The following C14orf39 variants were observed in gnomAD, a reference collection of about 807,000 sequenced individuals.
C14orf39 encodes protein SIX6OS1.
Under a neutral mutation model 85.6 loss-of-function variants are expected in C14orf39, and 66 were observed. The observed-to-expected ratio is 0.77, with a 90% CI of 0.63 to 0.95. The LOEUF (loss-of-function observed/expected upper bound fraction) is 0.95, where lower values mean the gene tolerates loss of function less well. Ranked by LOEUF, C14orf39 falls within the 40% of genes least tolerant of loss-of-function variation. The pLI, the probability that C14orf39 is intolerant of heterozygous loss-of-function variation, is 0.00. For missense variants in C14orf39, 735 were observed against 663.9 expected, an observed-to-expected ratio of 1.11 and a Z score of -1.18; for synonymous variants, 242 against 214.0, an observed-to-expected ratio of 1.13 and a Z score of -1.14.
rs183248166 is a variant in C14orf39, at chr14:60,456,097, C to T, written c.1358+820G>A. 4.5e-4 allele frequency among the ~76,000 whole-genome samples: 69 copies of T among 152,116 alleles called. No homozygotes were observed. In the East Asian group the frequency reaches 6.4e-3, roughly 14 times the overall value. On this transcript the variant is annotated intron_variant, in intron 15 of 17. Coordinates refer to ENST00000321731, the MANE Select transcript of C14orf39 (RefSeq NM_174978.3). ...TAACTCTTATTAGCAATTTAAAATA[C>T]GGAAGTAGAGTACAGGTCTGATGCA...
Position 60,471,749 on chromosome 14 carries a change from T to G in C14orf39, c.324-10A>C. ...ATCATGATACATTTCTCTGTTAAAA[T>G]TAAAAGAAATGATGTTTATATAACA... is the stretch of plus-strand genomic sequence containing the variant. On this transcript the variant is annotated splice_polypyrimidine_tract_variant and intron_variant, in intron 5 of 17. Transcript: ENST00000321731. The G allele has an allele frequency of 7.0e-7, 1 of 1,437,918 alleles. No homozygotes were observed. Among genetic ancestry groups the G allele is most frequent in the African/African-American group, 1.4e-5 (1 of 69,520 alleles). The allele number at this position is 1,437,918 out of a possible 1,614,324, so 89.1% of individuals were successfully genotyped here.
At chr14:60,499,717 T>C (rs552752271) in intron 1 of C14orf39, among the ~76,000 whole-genome samples, 1 of 152,328 alleles carries the variant, frequency 6.6e-6, no homozygotes, top group South Asian at 2.1e-4. Flanking sequence ...TGTAGGGCAA[T>C]CAACTTGATA....
chr14:60,482,231 C>T (rs951553338), intron 4 of C14orf39, among the ~76,000 whole-genome samples: 1 of 152,186 alleles, frequency 6.6e-6, no homozygotes, highest in Admixed American at 6.5e-5. Context: ...ACTATTAGTA[C>T]TTTTCCACAA....
At chr14:60,514,436 C>CCCAG (rs1333465188) in intron 1 of C14orf39, among the ~76,000 whole-genome samples, 3 of 152,112 alleles carry the variant, frequency 2.0e-5, no homozygotes, top group Non-Finnish European at 4.4e-5. Flanking sequence ...TACCCCAAGC[C>CCCAG]CCAGGTCAGG....
At chr14:60,453,078 T>C (rs1285041191) in intron 16 of C14orf39, among the ~76,000 whole-genome samples, 4 of 152,102 alleles carry the variant, frequency 2.6e-5, no homozygotes, top group South Asian at 2.1e-4. Flanking sequence ...ATCAAGGTGA[T>C]TGATGATGTT....
intron 14 of C14orf39, among the ~76,000 whole-genome samples, chr14:60,458,193 T>A (rs1415892844): frequency 6.6e-6 from 1 of 152,014 alleles, no homozygotes; most frequent in Non-Finnish European, 1.5e-5. Flanking sequence ...GTAGTCACCA[T>A]ACTGATCTAA....
In C14orf39 at chr14:60,461,421, GAATA is replaced by G. The variant is rs1270492562; in HGVS notation, c.1059-13_1059-10del. 2 of 1,601,302 alleles carry G rather than the reference GAATA, an allele frequency of 1.2e-6. No individual in the cohort carries two copies. Among genetic ancestry groups the G allele is most frequent in the Non-Finnish European group, 1.7e-6 (2 of 1,172,434 alleles). ...TCTGTGGGGTTAACAATCTAAAATG[GAATA>G]AATATAATTTTTGTATTTTTTCTGA... On this transcript the variant is annotated splice_polypyrimidine_tract_variant and intron_variant, in intron 12 of 17. Transcript: ENST00000321731.
intron 11 of C14orf39, among the ~76,000 whole-genome samples, chr14:60,464,679 G>A (rs763170369): frequency 2.0e-4 from 30 of 151,910 alleles, no homozygotes; most frequent in Non-Finnish European, 3.7e-4. Flanking sequence ...CCTTGTTTTC[G>A]TTTGCATTTG....
intron 5 of C14orf39, among the ~76,000 whole-genome samples, chr14:60,475,568 CATAA>C (rs1411913664): frequency 1.3e-5 from 2 of 151,954 alleles, no homozygotes; most frequent in African/African-American, 4.8e-5. Context: ...CTTCAGTATC[CATAA>C]ATAAAGTTTT....
chr14:60,485,256 T>TC (rs1205745243), intron 1 of C14orf39, among the ~76,000 whole-genome samples, 170 bp from the exon 2 acceptor site: 4 of 152,194 alleles, frequency 2.6e-5, no homozygotes, highest in Non-Finnish European at 5.9e-5. Context: ...CCCAGCCCCT[T>TC]CCCGGGCCAA....
chr14:60,505,688 T>C (rs1893193702), intron 1 of C14orf39, among the ~76,000 whole-genome samples: 1 of 152,176 alleles, frequency 6.6e-6, no homozygotes, highest in Admixed American at 6.5e-5. Context: ...ATTCTTAAAA[T>C]AGCTGATTAT....
chr14:60,492,603 CAAA>C (rs33957461), intron 2 of C14orf39, among the ~76,000 whole-genome samples: 1 of 146,500 alleles, frequency 6.8e-6, no homozygotes, highest in Non-Finnish European at 1.5e-5. Flanking sequence ...TTATCTCTAC[CAAA>C]AAAAAAAAAT....
At chr14:60,512,044 CCTATACAAACATATGTAT>C (rs1893303341) in intron 1 of C14orf39, 2 of 18,616 alleles carry the variant, frequency 1.1e-4, no homozygotes, top group Non-Finnish European at 3.3e-4. Context: ...TATGTATGTA[CCTATACAAACATATGTAT>C]GTATGCATAC....
At chr14:60,510,218 G>A (rs1043559181) in intron 1 of C14orf39, among the ~76,000 whole-genome samples, 1 of 152,122 alleles carries the variant, frequency 6.6e-6, no homozygotes, top group Non-Finnish European at 1.5e-5. Flanking sequence ...ACCAAACCAA[G>A]GCTTCACTGG....
chr14:60,508,760 A>C (rs921973871), intron 1 of C14orf39, among the ~76,000 whole-genome samples: 2 of 152,268 alleles, frequency 1.3e-5, no homozygotes, highest in South Asian at 2.1e-4. Context: ...TTCTCGGAGC[A>C]TTTCAGTTTG....
intron 16 of C14orf39, among the ~76,000 whole-genome samples, chr14:60,447,230 T>C (rs552667353): frequency 1.3e-5 from 2 of 152,362 alleles, no homozygotes; most frequent in African/African-American, 4.8e-5. Flanking sequence ...AAATAAAGGG[T>C]ATTCGAATAG....
chr14:60,508,204 T>C (rs746276251), intron 1 of C14orf39, among the ~76,000 whole-genome samples: 2 of 152,126 alleles, frequency 1.3e-5, no homozygotes, highest in Admixed American at 6.5e-5. Context: ...GCTCAAGAGG[T>C]ATAAGTTCTA....
At chr14:60,457,211 A>G (rs1891320008) in intron 14 of C14orf39, 116 bp from the exon 15 acceptor site, 1 of 510,878 alleles carries the variant, frequency 2.0e-6, no homozygotes, top group African/African-American at 2.0e-5. Context: ...CATTGCACAG[A>G]CAAAATAACT....
At chr14:60,505,183 G>A (rs954488332) in intron 1 of C14orf39, among the ~76,000 whole-genome samples, 15 of 152,180 alleles carry the variant, frequency 9.9e-5, no homozygotes, top group Non-Finnish European at 2.1e-4. Context: ...AGCCTTCTCT[G>A]TTCTTTGTTA....
Sources: gnomAD v4.1 joint callset for allele counts (sites outside exome capture counted in the v4.1 genomes callset) on GRCh38, gnomAD v4.1.1 for gene constraint, MANE v1.5 for transcripts, NCBI Gene and HGNC (gene_info 2026-07-23, HGNC 2026-07-21) for gene names.